Variants in DARS1 observed in about 807,000 individuals in gnomAD.
DARS1 encodes the protein aspartate--tRNA ligase, cytoplasmic.
In DARS1, 51 loss-of-function variants were observed where a neutral mutation model predicts 68.8. The ratio of observed to expected loss-of-function variants is 0.74; its 90% confidence interval spans 0.59 to 0.94. DARS1 has a LOEUF of 0.94. Ranked by LOEUF, DARS1 falls within the 40% of genes least tolerant of loss-of-function variation. The pLI is 0.00. For synonymous variants in DARS1, 203 were observed against 190.4 expected, an observed-to-expected ratio of 1.07 and a Z score of -0.55; for missense variants, 607 against 597.3, an observed-to-expected ratio of 1.02 and a Z score of -0.17.
intron 3 of DARS1, among the ~76,000 whole-genome samples, chr2:135,968,188 C>T (rs558580496): frequency 1.3e-5 from 2 of 152,232 alleles, no homozygotes; most frequent in African/African-American, 2.4e-5. Flanking sequence ...CACTTGAACC[C>T]GGCAGGTGGA....
At chr2:135,922,282 A>G (rs1350838272) in intron 9 of DARS1, among the ~76,000 whole-genome samples, 2 of 152,222 alleles carry the variant, frequency 1.3e-5, no homozygotes. Context: ...AACTTACAGG[A>G]GTAAGAAATT....
Position 135,961,426 on chromosome 2 carries a change from G to T in DARS1, c.290C>A (p.Ala97Glu). 1 of 1,508,620 alleles carries T rather than the reference G, an allele frequency of 6.6e-7. No homozygotes were observed. Among genetic ancestry groups the T allele is most frequent in the Non-Finnish European group, 9.2e-7 (1 of 1,083,594 alleles). 93.5% of individuals were successfully genotyped at this position (1,508,620 alleles called of 1,614,324 possible). The change falls in exon 4 of 16, where the codon GCA becomes GAA. Residue 97 changes from alanine to glutamate, a missense_variant. Physicochemically the swap from Ala to Glu is moderately radical, Grantham distance 107. Coordinates refer to ENST00000264161, the MANE Select transcript of DARS1 (RefSeq NM_001349.4). ...VQALVAVGDH[A>E]SKQMVKFAAN... Reference sequence around the variant, plus strand: ...AGCAAATTTAACCATCTGCTTGCTTGCATGGTCTCCCACCGCCACAAGAGC... The same window carrying T: ...AGCAAATTTAACCATCTGCTTGCTTTCATGGTCTCCCACCGCCACAAGAGC...
At chr2:135,950,116 T>C (rs1437730872) in intron 4 of DARS1, among the ~76,000 whole-genome samples, 2 of 152,170 alleles carry the variant, frequency 1.3e-5, no homozygotes, top group Non-Finnish European at 2.9e-5. Context: ...GAGTTAAATA[T>C]AGGGCTTCAT....
Position 135,911,385 on chromosome 2 carries a change from T to C in DARS1, c.1339A>G (p.Ile447Val). ...TAAATTATTTTAAGTTGTTTACCAA[T>C]TCCATGATGTAAAGCTCTCTCTGTT... Reference protein sequence around the residue: ...LLTERALHHGIDLEKIKAYID... With the variant: ...LLTERALHHGVDLEKIKAYID... The change falls in exon 14 of 16, where the codon ATT becomes GTT. Residue 447 changes from isoleucine to valine, a missense_variant. By Grantham distance (29) the Ile-to-Val change is conservative (BLOSUM62 3). Coordinates refer to ENST00000264161, the MANE Select transcript of DARS1 (RefSeq NM_001349.4). 2.2e-6 allele frequency: 2 copies of C among 929,746 alleles called. No individual in the cohort carries two copies. Among genetic ancestry groups the C allele is most frequent in the Non-Finnish European group, 3.6e-6 (2 of 557,230 alleles). The allele number at this position is 929,746 out of a possible 1,614,324, so 57.6% of individuals were successfully genotyped here.
chr2:135,978,134 C>A (rs1682540267), intron 3 of DARS1, among the ~76,000 whole-genome samples: 1 of 99,430 alleles, frequency 1.0e-5, no homozygotes. Flanking sequence ...CAGAGCAAGA[C>A]TCTGTCTCAA....
chr2:135,983,501 G>A (rs778966677), intron 1 of DARS1, 47 bp from the exon 2 acceptor site: 3 of 751,566 alleles, frequency 4.0e-6, no homozygotes, highest in Non-Finnish European at 2.3e-6. Flanking sequence ...TAAACACTAA[G>A]AGCACAGTAA....
intron 7 of DARS1, among the ~76,000 whole-genome samples, chr2:135,931,728 A>T (rs1197693380): frequency 6.6e-6 from 1 of 152,150 alleles, no homozygotes; most frequent in East Asian, 1.9e-4. Flanking sequence ...CAGTGTAAGA[A>T]TCCTGTATAT....
At chr2:135,935,516 C>A (rs556700593) in intron 5 of DARS1, among the ~76,000 whole-genome samples, 4 of 152,128 alleles carry the variant, frequency 2.6e-5, no homozygotes, top group Admixed American at 2.0e-4. Context: ...AGGAGAATGG[C>A]GTGAACCTGG....
At chr2:135,923,266 T>C (rs1409400805) in intron 8 of DARS1, among the ~76,000 whole-genome samples, 3 of 152,144 alleles carry the variant, frequency 2.0e-5, no homozygotes, top group Non-Finnish European at 2.9e-5. Context: ...TTTAAAAAAA[T>C]TTCCCCAGGA....
chr2:135,984,549 G>A (rs1339215695), intron 1 of DARS1, among the ~76,000 whole-genome samples: 4 of 152,070 alleles, frequency 2.6e-5, no homozygotes, highest in African/African-American at 7.2e-5. Flanking sequence ...GAAGCCTGAG[G>A]GCAACAGAAG....
At chr2:135,910,937 G>A in intron 15 of DARS1, 1 of 473,918 alleles carries the variant, frequency 2.1e-6, no homozygotes, top group Non-Finnish European at 3.8e-6. Context: ...AAGACATTTG[G>A]CTTCTAAATT....
At chr2:135,940,460 C>A (rs973674740) in intron 5 of DARS1, among the ~76,000 whole-genome samples, 1 of 152,174 alleles carries the variant, frequency 6.6e-6, no homozygotes, top group East Asian at 1.9e-4. Context: ...AATTCAACAG[C>A]CCTTCATGCT....
chr2:135,934,052 A>G (rs574535220), intron 5 of DARS1, 62 bp from the exon 6 acceptor site: 1 of 1,574,658 alleles, frequency 6.4e-7, no homozygotes, highest in African/African-American at 1.3e-5. Flanking sequence ...TTTTTCTTAA[A>G]AAACAATCTA....
At chr2:135,933,488 T>C (rs575939908) in intron 6 of DARS1, among the ~76,000 whole-genome samples, 1 of 152,230 alleles carries the variant, frequency 6.6e-6, no homozygotes, top group African/African-American at 2.4e-5. Context: ...GTTAAGGCAA[T>C]GGACTGCTAA....
At chr2:135,917,355 G>A (rs1681027220) in intron 10 of DARS1, among the ~76,000 whole-genome samples, 1 of 152,008 alleles carries the variant, frequency 6.6e-6, no homozygotes, top group Non-Finnish European at 1.5e-5. Context: ...CCTTTTGTAT[G>A]TGTTTGAAAT....
chr2:135,920,477 T>C lies in DARS1; in HGVS notation c.935A>G (p.Gln312Arg), dbSNP rs1026405882. ...CCTTTCTTGAAGTCCTTTGAATATTTGTACCATGGTGTCAGCAATTTCTTC... is the reference window on the plus strand; with the variant it reads ...CCTTTCTTGAAGTCCTTTGAATATTCGTACCATGGTGTCAGCAATTTCTTC... ...VMEEIADTMVQIFKGLQERFQ... is the reference protein window; with the variant it reads ...VMEEIADTMVRIFKGLQERFQ... Residue 312 changes from glutamine (Q) to arginine (R), a missense_variant, in exon 10 of 16, where the codon CAA becomes CGA. Gln to Arg is a conservative substitution (Grantham distance 43). Coordinates refer to ENST00000264161, the MANE Select transcript of DARS1 (RefSeq NM_001349.4). The C allele has an allele frequency of 6.2e-7, 1 of 1,613,506 alleles. No individual in the cohort carries two copies. The highest frequency in any genetic ancestry group is 8.5e-7 in the Non-Finnish European group (1 of 1,179,750).
At chr2:135,975,205 C>T (rs1384933087) in intron 3 of DARS1, among the ~76,000 whole-genome samples, 1 of 151,740 alleles carries the variant, frequency 6.6e-6, no homozygotes, top group African/African-American at 2.4e-5. Context: ...ATTAGCCGGG[C>T]GTGGTGGCAG....
chr2:135,917,413 A>G (rs193163683), intron 10 of DARS1, among the ~76,000 whole-genome samples: 6 of 152,334 alleles, frequency 3.9e-5, no homozygotes, highest in African/African-American at 1.4e-4. Flanking sequence ...TATTCTATAT[A>G]CAGAAAAAAG....
chr2:135,967,243 AAAC>A (rs1682257588), intron 3 of DARS1, among the ~76,000 whole-genome samples: 1 of 152,232 alleles, frequency 6.6e-6, no homozygotes, highest in South Asian at 2.1e-4. Context: ...TTAGGGATTA[AAAC>A]AACAAAGATC....
Sources: gnomAD v4.1 joint callset for allele counts (sites outside exome capture counted in the v4.1 genomes callset) on GRCh38, gnomAD v4.1.1 for gene constraint, MANE v1.5 for transcripts, NCBI Gene and HGNC (gene_info 2026-07-23, HGNC 2026-07-21) for gene names.